Variants in DDX31 observed in about 807,000 individuals in gnomAD.
DDX31 encodes DEAD-box helicase 31.
A neutral mutation model predicts 91.3 loss-of-function variants in DDX31; 70 were observed. That is an observed-to-expected ratio of 0.77 (90% CI 0.63 to 0.94). The LOEUF is 0.94. Among genes scored for constraint, DDX31 ranks in the 40% least tolerant of loss-of-function variants. DDX31 has a pLI of 0.00. For synonymous variants in DDX31, 362 were observed against 350.6 expected (o/e 1.03, Z -0.36); for missense variants, 902 against 925.0 (o/e 0.98, Z 0.32).
intron 18 of DDX31, among the ~76,000 whole-genome samples, chr9:132,613,329 C>T (rs1399770034): frequency 6.6e-6 from 1 of 152,232 alleles, no homozygotes; most frequent in East Asian, 1.9e-4. Context: ...AAAATAGTCC[C>T]TTGAGGACTG....
At chr9:132,665,273 G>A (rs1052074080) in intron 1 of DDX31, among the ~76,000 whole-genome samples, 1 of 152,148 alleles carries the variant, frequency 6.6e-6, no homozygotes, top group Non-Finnish European at 1.5e-5. Flanking sequence ...TCTACTACTT[G>A]TTAGCTTTTC....
Position 132,658,704 on chromosome 9 carries a change from G to A in DDX31, c.555C>T (p.Val185=). 1.2e-6 allele frequency: 2 copies of A among 1,613,766 alleles called. No individual in the cohort carries two copies. The highest frequency in any genetic ancestry group is 1.3e-5 in the African/African-American group (1 of 74,994). ...GKTLAYCIPV[V]QSLQAMESKI... ...TTGACTCCATTGCTTGAAGGGACTG[G>A]ACCACAGGGATGCAATAGGCAAGAG... The change falls in exon 6 of 20, where the codon GTC becomes GTT. Residue 185 remains valine, a synonymous_variant. Transcript: ENST00000372159.
chr9:132,651,152 G>A, intron 7 of DDX31, 36 bp from the exon 8 acceptor site: 1 of 1,535,936 alleles, frequency 6.5e-7, no homozygotes. Flanking sequence ...TGATGAACAG[G>A]ATCCCCCTTT....
intron 6 of DDX31, among the ~76,000 whole-genome samples, chr9:132,653,494 CAAAAAAAAAAAAAAAAAA>C (rs71376648): frequency 0.015 from 317 of 20,644 alleles, 3 homozygotes; most frequent in East Asian, 0.11. Flanking sequence ...AACTCAGTCT[CAAAAAAAAAAAAAAAAAA>C]AAAAAAAAAA....
chr9:132,596,408 G>GCATTT (rs1830436220), intron 19 of DDX31, among the ~76,000 whole-genome samples: 3 of 152,190 alleles, frequency 2.0e-5, no homozygotes, highest in Non-Finnish European at 4.4e-5. Context: ...GCCAACCTCT[G>GCATTT]CAGGAAAAGA....
intron 18 of DDX31, among the ~76,000 whole-genome samples, chr9:132,616,908 T>G (rs1159360312): frequency 6.6e-6 from 1 of 152,242 alleles, no homozygotes; most frequent in Non-Finnish European, 1.5e-5. Context: ...TAACAGGTCC[T>G]TGACAATATT....
chr9:132,664,533 AC>A, intron 1 of DDX31, among the ~76,000 whole-genome samples: 1 of 151,998 alleles, frequency 6.6e-6, no homozygotes, highest in South Asian at 2.1e-4. Context: ...ATATGGTGAA[AC>A]CCTGTCTCTA....
chr9:132,661,120 A>C, intron 4 of DDX31, 88 bp downstream of exon 4: 4 of 1,146,708 alleles, frequency 3.5e-6, no homozygotes, highest in Non-Finnish European at 5.2e-6. Context: ...ACGCCAAGAC[A>C]CAAATTTGCT....
At chr9:132,616,055 G>C (rs1262189516) in intron 18 of DDX31, among the ~76,000 whole-genome samples, 1 of 152,236 alleles carries the variant, frequency 6.6e-6, no homozygotes, top group Non-Finnish European at 1.5e-5. Flanking sequence ...ATGGGGTGCA[G>C]TGGCTGTTCC....
intron 18 of DDX31, among the ~76,000 whole-genome samples, chr9:132,616,484 A>C (rs1163958931): frequency 2.6e-5 from 4 of 152,202 alleles, no homozygotes; most frequent in African/African-American, 4.8e-5. Flanking sequence ...TTGCCAAAAT[A>C]TCTGAGGCAT....
intron 13 of DDX31, 25 bp from the exon 14 acceptor site, chr9:132,642,088 C>T (rs781158822): frequency 7.4e-6 from 12 of 1,611,130 alleles, no homozygotes; most frequent in Admixed American, 1.7e-5. Context: ...AAAAATAGAG[C>T]CTTACAACTC....
chr9:132,648,247 A>G lies in DDX31; in HGVS notation c.909T>C (p.Ala303=). The change falls in exon 11 of 20, where the codon GCT becomes GCC. Residue 303 remains alanine (A), a synonymous_variant. Coordinates refer to ENST00000372159, the MANE Select transcript of DDX31 (RefSeq NM_022779.9). ...GTCGTTTTTGGCATTCAGCATTTAC[A>G]GCATTAAGTATCACTGTGATGTCCT... ...FEKDITVILN[A]VNAECQKRQN... is the part of the protein sequence containing the mutation. 1.2e-6 allele frequency: 2 copies of G among 1,614,044 alleles called. No individual in the cohort carries two copies. Among genetic ancestry groups the G allele is most frequent in the Non-Finnish European group, 1.7e-6 (2 of 1,179,994 alleles).
rs757029405 is a variant in DDX31, at chr9:132,595,918, T to C, written c.1995-806A>G. Among the ~76,000 whole-genome samples the C allele has an allele frequency of 2.0e-5, 3 of 152,194 alleles. No individual in the cohort carries two copies. The highest frequency in any genetic ancestry group is 4.4e-5 in the Non-Finnish European group (3 of 68,042). ...TGATCGGAAGATCAGAGGAGGAAATTTGTAGATGTTCAATCATACATAAGA... is the reference window on the plus strand; with the variant it reads ...TGATCGGAAGATCAGAGGAGGAAATCTGTAGATGTTCAATCATACATAAGA... On this transcript the variant is annotated intron_variant, in intron 19 of 19. Coordinates refer to ENST00000372159, the MANE Select transcript of DDX31 (RefSeq NM_022779.9). This position sits in a 1 kb window ranked among gnomAD's most constrained non-coding sequence, Gnocchi z 4.6.
chr9:132,612,127 T>C lies in DDX31; in HGVS notation c.1954A>G (p.Ser652Gly). 1 of 1,614,220 alleles carries C rather than the reference T, an allele frequency of 6.2e-7. No individual in the cohort carries two copies. The change falls in exon 19 of 20, where the codon AGT becomes GGT. Residue 652 changes from serine to glycine, a missense_variant. By Grantham distance (56) the Ser-to-Gly change is moderately conservative. Transcript: ENST00000372159. ...FGLRDAPRNL[S>G]ALTRKKRKAH... ...TTCCTCTTCTTTCTAGTCAAGGCAC[T>C]AAGATTCCTGGGGGCATCTCTTAGT...
At position 132,612,290 on chromosome 9, in the gene DDX31, G is replaced by C. The variant is rs1215997619; in HGVS notation, c.1826-35C>G. The C allele has an allele frequency of 5.0e-6, 8 of 1,613,026 alleles. No individual in the cohort carries two copies. In the Admixed American group the frequency reaches 1.0e-4, roughly 20 times the overall value. ...AAGAGAGCGGGGAGGGAAGCTGTCAGGACCGGGGTCTCCAAGCTCCAAAGT... is the reference window on the plus strand; with the variant it reads ...AAGAGAGCGGGGAGGGAAGCTGTCACGACCGGGGTCTCCAAGCTCCAAAGT... On this transcript the variant is annotated intron_variant, in intron 18 of 19. Coordinates refer to ENST00000372159, the MANE Select transcript of DDX31 (RefSeq NM_022779.9).
rs1223615421 is a variant in DDX31, at chr9:132,595,214, C to T, written c.1995-102G>A. 8 of 1,401,396 alleles carry T rather than the reference C, an allele frequency of 5.7e-6. No homozygotes were observed. Among genetic ancestry groups the T allele is most frequent in the African/African-American group, 2.9e-5 (2 of 69,070 alleles). 86.8% of individuals were successfully genotyped at this position (1,401,396 alleles called of 1,614,324 possible). On this transcript the variant is annotated intron_variant, in intron 19 of 19. Coordinates refer to ENST00000372159, the MANE Select transcript of DDX31 (RefSeq NM_022779.9). This position sits in a 1 kb window ranked among gnomAD's most constrained non-coding sequence, Gnocchi z 4.6. ...GCTGGTTCTGAGACTGTGAAGCTGACATTTTTGTATTAACAGAAGTACAAT... is the reference window on the plus strand; with the variant it reads ...GCTGGTTCTGAGACTGTGAAGCTGATATTTTTGTATTAACAGAAGTACAAT...
chr9:132,620,799 CCT>C (rs1348825047), intron 17 of DDX31, among the ~76,000 whole-genome samples: 9 of 152,008 alleles, frequency 5.9e-5, no homozygotes, highest in Non-Finnish European at 1.2e-4. Context: ...GGGTCAAACC[CCT>C]GAGGGCACAT....
intron 19 of DDX31, among the ~76,000 whole-genome samples, chr9:132,608,882 T>G (rs1211949173): frequency 6.6e-6 from 1 of 152,154 alleles, no homozygotes. Flanking sequence ...AAACCCTGAC[T>G]GAGGTGTGGA....
chr9:132,606,114 G>T (rs1831005023), intron 19 of DDX31, among the ~76,000 whole-genome samples: 1 of 152,204 alleles, frequency 6.6e-6, no homozygotes, highest in African/African-American at 2.4e-5. Flanking sequence ...CAGGTGCAGT[G>T]GATTTACACG....
Sources: allele counts gnomAD v4.1 joint callset (sites outside exome capture counted in the v4.1 genomes callset), GRCh38; gene constraint gnomAD v4.1.1; non-coding constraint Gnocchi (gnomAD v3.1); transcripts MANE v1.5; gene names NCBI Gene and HGNC (gene_info 2026-07-23, HGNC 2026-07-21).